USH1C: variants seen among roughly 807,000 people sequenced by gnomAD.
The protein encoded by USH1C is USH1 protein network component harmonin.
A neutral mutation model predicts 119.3 loss-of-function variants in USH1C; 90 were observed. The ratio of observed to expected loss-of-function variants is 0.75; its 90% CI spans 0.64 to 0.90. The LOEUF is 0.90. Ranked by LOEUF, USH1C falls within the 40% of genes least tolerant of loss-of-function variation. The pLI, the probability that USH1C is intolerant of heterozygous loss-of-function variation, is 0.00. For missense variants in USH1C, 1,165 were observed against 1,167.7 expected (o/e 1.00, Z 0.03); for synonymous variants, 465 against 443.3 (o/e 1.05, Z -0.62).
intron 6 of USH1C, 52 bp from the exon 7 acceptor site, chr11:17,526,862 G>C (rs1048287302): frequency 6.2e-7 from 1 of 1,602,054 alleles, no homozygotes; most frequent in Non-Finnish European, 8.5e-7. Context: ...GACGTTTGAG[G>C]AACCAGGCCC....
chr11:17,511,378 C>T (rs928832161), intron 16 of USH1C, among the ~76,000 whole-genome samples: 3 of 151,980 alleles, frequency 2.0e-5, no homozygotes, highest in Non-Finnish European at 4.4e-5. Context: ...GGAAGGGAGG[C>T]CAGAGTGATT....
chr11:17,521,976 A>G (rs1204940732), intron 12 of USH1C, among the ~76,000 whole-genome samples: 5 of 152,016 alleles, frequency 3.3e-5, no homozygotes, highest in African/African-American at 4.8e-5. Context: ...TTACAGTCGC[A>G]TGCCACTATG....
At chr11:17,494,896 T>C (rs982584391) in intron 26 of USH1C, 3 of 237,552 alleles carry the variant, frequency 1.3e-5, no homozygotes, top group Non-Finnish European at 2.5e-5. Context: ...ATCCTACAGC[T>C]GGGTTCCACG....
Position 17,526,341 on chromosome 11 carries a change from A to G in USH1C, c.674+6T>C, listed in dbSNP as rs1362626390. 6.2e-7 allele frequency: 1 copy of G among 1,612,662 alleles called. No homozygotes were observed. Among genetic ancestry groups the G allele is most frequent in the Non-Finnish European group, 8.5e-7 (1 of 1,179,016 alleles). ...CGAATGACCCCAGGGCATGCCTGCCACCCACCTGCAGCCAAGGCCTCGGGA... is the reference window on the plus strand; with the variant it reads ...CGAATGACCCCAGGGCATGCCTGCCGCCCACCTGCAGCCAAGGCCTCGGGA... On this transcript the variant is annotated splice_donor_region_variant and intron_variant, in intron 8 of 26. Transcript: ENST00000005226.
chr11:17,500,916 T>A (rs1292075692), intron 23 of USH1C, 135 bp downstream of exon 23: 1 of 760,518 alleles, frequency 1.3e-6, no homozygotes. Context: ...GGCAGTCGGA[T>A]GGATGGACCC....
At chr11:17,509,861 C>A (rs1235795282) in intron 17 of USH1C, 23 bp from the exon 18 acceptor site, 1 of 1,583,096 alleles carries the variant, frequency 6.3e-7, no homozygotes, top group African/African-American at 1.3e-5. Flanking sequence ...CAAGGAAGTT[C>A]TGTAATTGTC....
chr11:17,530,376 G>A (rs1565062696), intron 4 of USH1C, among the ~76,000 whole-genome samples: 1 of 152,230 alleles, frequency 6.6e-6, no homozygotes, highest in East Asian at 1.9e-4. Context: ...GGGCTTGGCA[G>A]TCAGGAGACC....
At chr11:17,528,348 G>T (rs540170349) in intron 4 of USH1C, among the ~76,000 whole-genome samples, 164 of 152,286 alleles carry the variant, frequency 1.1e-3, no homozygotes, top group African/African-American at 3.7e-3. Context: ...CAGGCACCCC[G>T]GCCCTGGGGA....
intron 15 of USH1C, among the ~76,000 whole-genome samples, chr11:17,515,914 C>G (rs192411803): frequency 6.6e-6 from 1 of 152,342 alleles, no homozygotes; most frequent in East Asian, 1.9e-4. Context: ...AAGCTTCTGG[C>G]CTTGGTCTCT....
In USH1C at chr11:17,522,707, G is replaced by C; in HGVS notation, c.1019+77C>G. ...GGAGGAAGTTGGCTGGGGACACAGCGGGCAGGAAGCAAGCTAGGTGGGGTC... is the reference window on the plus strand; with the variant it reads ...GGAGGAAGTTGGCTGGGGACACAGCCGGCAGGAAGCAAGCTAGGTGGGGTC... On this transcript the variant is annotated intron_variant, in intron 12 of 26. Coordinates refer to ENST00000005226, the MANE Select transcript of USH1C (RefSeq NM_153676.4). 1.9e-6 allele frequency: 3 copies of C among 1,601,902 alleles called. No individual in the cohort carries two copies. The South Asian group carries it at 3.3e-5, about 18-fold the overall frequency.
intron 20 of USH1C, among the ~76,000 whole-genome samples, chr11:17,503,475 G>A (rs1849524178): frequency 6.6e-6 from 1 of 152,212 alleles, no homozygotes; most frequent in South Asian, 2.1e-4. Flanking sequence ...AACAGAGGAA[G>A]AAACTGAGGC....
intron 1 of USH1C, among the ~76,000 whole-genome samples, chr11:17,537,815 C>T (rs552277634): frequency 7.2e-5 from 11 of 152,294 alleles, no homozygotes; most frequent in East Asian, 1.9e-4. Flanking sequence ...AGGAACTTTA[C>T]GTGTATTATC....
chr11:17,522,336 C>T (rs1000418567), intron 12 of USH1C, among the ~76,000 whole-genome samples: 4 of 152,176 alleles, frequency 2.6e-5, no homozygotes, highest in South Asian at 2.1e-4. Flanking sequence ...CCACGTGTGA[C>T]GTTAGACACA....
intron 13 of USH1C, 93 bp downstream of exon 13, chr11:17,521,253 G>T: frequency 7.4e-7 from 1 of 1,352,582 alleles, no homozygotes; most frequent in Non-Finnish European, 1.1e-6. Flanking sequence ...AGAGAACCAG[G>T]TAAACTGGTT....
At chr11:17,506,039 A>C in intron 18 of USH1C, 90 bp from the exon 19 acceptor site, 2 of 1,587,388 alleles carry the variant, frequency 1.3e-6, no homozygotes, top group Non-Finnish European at 1.7e-6. Flanking sequence ...GCAAATCTAC[A>C]CCCATGCATA....
chr11:17,509,819 G>A lies in USH1C; in HGVS notation c.1550C>T (p.Pro517Leu), dbSNP rs373157800. ...CAGGGGAGACACAGAAGGCGGGGGA[G>A]GCGGGGGCCCTGTGGTCATCTGGGG... The part of the protein sequence containing the change: ...EISEMTTGPP[P>L]PPPSVSPLAP... The change falls in exon 18 of 27, where the codon CCT becomes CTT. Residue 517 changes from proline to leucine, a missense_variant. Pro to Leu is a moderately conservative substitution (Grantham distance 98). Coordinates refer to ENST00000005226, the MANE Select transcript of USH1C (RefSeq NM_153676.4). 7.5e-6 allele frequency: 12 copies of A among 1,597,366 alleles called. No individual in the cohort carries two copies. The East Asian group carries it at 1.1e-4, about 15-fold the overall frequency.
intron 9 of USH1C, among the ~76,000 whole-genome samples, chr11:17,524,049 A>G (rs1296573467): frequency 6.6e-6 from 1 of 152,206 alleles, no homozygotes; most frequent in African/African-American, 2.4e-5. Flanking sequence ...GCCCTACCAT[A>G]TGAGGTACAC....
At position 17,531,304 on chromosome 11, in the gene USH1C, G is replaced by A. The variant is rs1487906286; in HGVS notation, c.249-12C>T. 1 of 1,614,134 alleles carries A rather than the reference G, an allele frequency of 6.2e-7. No homozygotes were observed. Among genetic ancestry groups the A allele is most frequent in the East Asian group, 2.2e-5 (1 of 44,878 alleles). On this transcript the variant is annotated splice_polypyrimidine_tract_variant and intron_variant, in intron 3 of 26. Coordinates refer to ENST00000005226, the MANE Select transcript of USH1C (RefSeq NM_153676.4). This position sits in a 1 kb window ranked among gnomAD's most constrained non-coding sequence, Gnocchi z 4.2. ...CCTCCTTCAGCTTCCTGCCACACAG[G>A]AGAGGTCGGTGATGGTGCAGCTTGG...
chr11:17,524,624 G>C, intron 8 of USH1C, 89 bp from the exon 9 acceptor site: 2 of 1,421,822 alleles, frequency 1.4e-6, no homozygotes, highest in Non-Finnish European at 1.9e-6. Flanking sequence ...GAGGACTGAA[G>C]GCCCTTGACT....
Sources: gnomAD v4.1 joint callset for allele counts (sites outside exome capture counted in the v4.1 genomes callset) on GRCh38, gnomAD v4.1.1 for gene constraint, Gnocchi (gnomAD v3.1) non-coding constraint, MANE v1.5 for transcripts, NCBI Gene and HGNC (gene_info 2026-07-23, HGNC 2026-07-21) for gene names.